DDOST: variants seen among roughly 807,000 people sequenced by gnomAD.
DDOST encodes the protein dolichyl-diphosphooligosaccharide--protein glycosyltransferase non-catalytic subunit.
Under a neutral mutation model 47.6 loss-of-function variants are expected in DDOST, and 25 were observed. The observed-to-expected ratio is 0.53, with a 90% CI of 0.38 to 0.73. The LOEUF (loss-of-function observed/expected upper bound fraction) is 0.73, where lower values mean the gene tolerates loss of function less well. Among genes scored for constraint, DDOST ranks in the 30% least tolerant of loss-of-function variants. DDOST has a pLI of 0.00. For missense variants in DDOST, 526 were observed against 573.9 expected, an observed-to-expected ratio of 0.92 and a Z score of 0.85; for synonymous variants, 275 against 236.0, an observed-to-expected ratio of 1.17 and a Z score of -1.51.
Position 20,656,218 on chromosome 1 carries a change from G to A in DDOST, c.266-31C>T, listed in dbSNP as rs1570416097. 6 of 1,570,844 alleles carry A rather than the reference G, an allele frequency of 3.8e-6. No individual in the cohort carries two copies. The East Asian group carries it at 1.3e-4, about 35-fold the overall frequency. On this transcript the variant is annotated intron_variant, in intron 2 of 10. Coordinates refer to ENST00000602624, the MANE Select transcript of DDOST (RefSeq NM_005216.5). ...AGCAGGCACCAGACACAGTGACCCA[G>A]AGGTCTCCTCTCCCTGCTCCTCTGA... is the stretch of plus-strand genomic sequence containing the variant.
Position 20,653,704 on chromosome 1 carries a change from G to T in DDOST, c.865C>A (p.Leu289Ile), listed in dbSNP as rs1370931840. 1.2e-6 allele frequency: 2 copies of T among 1,614,096 alleles called. No individual in the cohort carries two copies. The highest frequency in any genetic ancestry group is 1.7e-5 in the Admixed American group (1 of 60,012). ...SRWVFKEEGV[L>I]RVGPVSHHRV... ...TGATGGGACACAGGCCCCACACGGA[G>T]GACACCCTCCTCCTTGAACACCCAG... The change falls in exon 8 of 11, where the codon CTC (leucine) becomes ATC (isoleucine). Residue 289 changes from leucine (L) to isoleucine (I), a missense_variant. Coordinates refer to ENST00000602624, the MANE Select transcript of DDOST (RefSeq NM_005216.5).
intron 2 of DDOST, among the ~76,000 whole-genome samples, chr1:20,660,184 CATTCTATCT>C (rs2053419871): frequency 6.6e-6 from 1 of 152,158 alleles, no homozygotes; most frequent in African/African-American, 2.4e-5. Context: ...ACAAGATAAG[CATTCTATCT>C]ATTCTCTAAG....
chr1:20,659,875 A>C (rs916054694), intron 2 of DDOST, among the ~76,000 whole-genome samples: 13 of 152,170 alleles, frequency 8.5e-5, no homozygotes, highest in Admixed American at 7.9e-4. Context: ...GCACCACTGC[A>C]CTCAGCCTGG....
At chr1:20,660,607 T>C (rs2053424270) in intron 2 of DDOST, 3 of 299,192 alleles carry the variant, frequency 1.0e-5, no homozygotes, top group Non-Finnish European at 1.9e-5. Context: ...TCAGGCCCTT[T>C]ACAGAGTAAA....
At chr1:20,655,171 GTTTTTTTTTTTTTTT>G (rs869053335) in intron 5 of DDOST, among the ~76,000 whole-genome samples, 56 of 77,240 alleles carry the variant, frequency 7.3e-4, no homozygotes, top group African/African-American at 2.6e-3. Context: ...ACTTTTTTTT[GTTTTTTTTTTTTTTT>G]TTTTTTTTTA....
chr1:20,660,155 G>A (rs528320307), intron 2 of DDOST, among the ~76,000 whole-genome samples: 1 of 152,258 alleles, frequency 6.6e-6, no homozygotes. Context: ...CTGTGATTAT[G>A]TGAAGGCTAT....
Position 20,655,666 on chromosome 1 carries a change from G to T in DDOST, c.456+10C>A, listed in dbSNP as rs750968899. ...GCCCCTGAAACCTGGAAGGTGACAG[G>T]CCTGATTACCTGGCCAAGGTCTGAG... On this transcript the variant is annotated intron_variant, in intron 4 of 10. Transcript: ENST00000602624. 3 of 1,610,484 alleles carry T rather than the reference G, an allele frequency of 1.9e-6. No homozygotes were observed. The highest frequency in any genetic ancestry group is 2.5e-6 in the Non-Finnish European group (3 of 1,176,666).
intron 7 of DDOST, 33 bp downstream of exon 7, chr1:20,654,190 G>A (rs1260492837): frequency 7.7e-6 from 12 of 1,549,446 alleles, no homozygotes; most frequent in African/African-American, 4.1e-5. Context: ...TGCACCACCC[G>A]GATCCCCGGC....
chr1:20,654,195 C>T (rs768610807), intron 7 of DDOST, 28 bp downstream of exon 7: 1 of 1,549,770 alleles, frequency 6.5e-7, no homozygotes, highest in Non-Finnish European at 8.7e-7. Flanking sequence ...CACCCGGATC[C>T]CCGGCCCCTA....
In DDOST at chr1:20,652,329, A is replaced by AC. The variant is rs755436581; in HGVS notation, c.*49dup. 5.4e-6 allele frequency: 8 copies of AC among 1,493,926 alleles called. No individual in the cohort carries two copies. The highest frequency in any genetic ancestry group is 5.3e-5 in the South Asian group (4 of 75,078). The allele number at this position is 1,493,926 out of a possible 1,614,324, so 92.5% of individuals were successfully genotyped here. On this transcript the variant is annotated 3_prime_UTR_variant, in exon 11 of 11. Coordinates refer to ENST00000602624, the MANE Select transcript of DDOST (RefSeq NM_005216.5). ...CAAAACAAAACCACCAATCCTAATAACCCCCCTCCTTGCCCCGTCTCCACG... is the reference window on the plus strand; with the variant it reads ...CAAAACAAAACCACCAATCCTAATAACCCCCCCTCCTTGCCCCGTCTCCACG...
In DDOST at chr1:20,652,868, G is replaced by T; in HGVS notation, c.1046C>A (p.Thr349Asn). ...EFVRIDPFVR[T>N]FLKKKGGKYS... ...ACACTCACCTTTCTTCTTCAGGAAG[G>T]TCCTCACAAAAGGATCAATGCGGAC... The change falls in exon 9 of 11, where the codon ACC becomes AAC. Residue 349 changes from threonine to asparagine, a missense_variant. By Grantham distance (65) the Thr-to-Asn change is moderately conservative. Transcript: ENST00000602624. The T allele has an allele frequency of 6.2e-7, 1 of 1,614,184 alleles. No individual in the cohort carries two copies. The highest frequency in any genetic ancestry group is 8.5e-7 in the Non-Finnish European group (1 of 1,180,036).
chr1:20,653,826 G>T, intron 7 of DDOST, 52 bp from the exon 8 acceptor site: 1 of 1,585,408 alleles, frequency 6.3e-7, no homozygotes, highest in Non-Finnish European at 8.6e-7. Flanking sequence ...CTTTCCAGTG[G>T]TGCCTGATGG....
At chr1:20,661,056 T>A in intron 1 of DDOST, 65 bp from the exon 2 acceptor site, 1 of 1,484,908 alleles carries the variant, frequency 6.7e-7, no homozygotes, top group Non-Finnish European at 9.3e-7. Context: ...GCTGCAGACA[T>A]CGCGGACCCG....
Position 20,652,377 on chromosome 1 carries a change from CCT to C in DDOST, c.1320_*1del, listed in dbSNP as rs770477094. The stretch of plus-strand genomic sequence containing the variant: ...ACGCTGTGCGGAGAGGGCTCTAGCC[CCT>C]CAGTCGGACTTCTCCTTCTCCTTCA... On this transcript the variant is annotated stop_lost and 3_prime_UTR_variant, in exon 11 of 11. Coordinates refer to ENST00000602624, the MANE Select transcript of DDOST (RefSeq NM_005216.5). 3 of 1,609,640 alleles carry C rather than the reference CCT, an allele frequency of 1.9e-6. No homozygotes were observed. The highest frequency in any genetic ancestry group is 2.5e-6 in the Non-Finnish European group (3 of 1,178,034).
In DDOST at chr1:20,654,703, C is replaced by T; in HGVS notation, c.556G>A (p.Val186Met). The change falls in exon 6 of 11, where the codon GTG (valine) becomes ATG (methionine). Residue 186 changes from valine to methionine, a missense_variant. Val to Met is a conservative substitution (Grantham distance 21). Coordinates refer to ENST00000602624, the MANE Select transcript of DDOST (RefSeq NM_005216.5). ...NPILFRGVGM[V>M]ADPDNPLVLD... The stretch of plus-strand genomic sequence containing the variant: ...ACCAAAGGGTTATCAGGATCGGCCA[C>T]CATCCTGCAGCAGGACGAGAGCAGC... 4 of 1,555,452 alleles carry T rather than the reference C, an allele frequency of 2.6e-6. No individual in the cohort carries two copies. The highest frequency in any genetic ancestry group is 3.5e-6 in the Non-Finnish European group (4 of 1,148,766).
chr1:20,655,570 A>G (rs745612594), intron 4 of DDOST, 36 bp from the exon 5 acceptor site: 1 of 1,606,808 alleles, frequency 6.2e-7, no homozygotes, highest in Non-Finnish European at 8.5e-7. Context: ...GTGGTCAGGA[A>G]AAGGTTCCCC....
Position 20,652,289 on chromosome 1 carries a change from C to G in DDOST, c.*90G>C. 5 of 1,335,656 alleles carry G rather than the reference C, an allele frequency of 3.7e-6. No homozygotes were observed. The Admixed American group carries it at 1.5e-4, about 40-fold the overall frequency. 82.7% of individuals were successfully genotyped at this position (1,335,656 alleles called of 1,614,324 possible). A position where few individuals can be genotyped will look rare whatever the true frequency, so the allele number is the denominator to read the frequency against. Reference sequence around the variant, plus strand: ...GAGGTAAAGTTGTGCCATTTTCCCACGGCTTTAAACAAAGCAAAACAAAAC... The same window carrying G: ...GAGGTAAAGTTGTGCCATTTTCCCAGGGCTTTAAACAAAGCAAAACAAAAC... On this transcript the variant is annotated 3_prime_UTR_variant, in exon 11 of 11. Coordinates refer to ENST00000602624, the MANE Select transcript of DDOST (RefSeq NM_005216.5).
rs2154534449 is a variant in DDOST, at chr1:20,660,979, T to C, written c.167A>G (p.Glu56Gly). ...GTCATCAGCGGTCTTGAATGTGAGC[T>C]CAAAGCCCCGGTCTGGACAAGAAAA... ...FFRSLKDRGF[E>G]LTFKTADDPS... is the part of the protein sequence containing the mutation. Residue 56 changes from glutamate (E) to glycine (G), a missense_variant, in exon 2 of 11, where the codon GAG (glutamate) becomes GGG (glycine). Glu to Gly is a moderately conservative substitution (Grantham distance 98, BLOSUM62 -2). Transcript: ENST00000602624. 1.2e-6 allele frequency: 2 copies of C among 1,612,884 alleles called. No individual in the cohort carries two copies. Among genetic ancestry groups the C allele is most frequent in the Non-Finnish European group, 1.7e-6 (2 of 1,179,052 alleles).
chr1:20,653,582 A>G, intron 8 of DDOST, 45 bp downstream of exon 8: 1 of 1,530,252 alleles, frequency 6.5e-7, no homozygotes, highest in South Asian at 1.3e-5. Flanking sequence ...GAGCTCAGTC[A>G]GCTTGGCAAA....
Sources: gnomAD v4.1 joint callset for allele counts (sites outside exome capture counted in the v4.1 genomes callset) on GRCh38, gnomAD v4.1.1 for gene constraint, MANE v1.5 for transcripts, NCBI Gene and HGNC (gene_info 2026-07-23, HGNC 2026-07-21) for gene names.